DHX35: variants seen among roughly 807,000 people sequenced by gnomAD.
DHX35 encodes DEAH-box helicase 35.
Under a neutral mutation model 99.6 loss-of-function variants are expected in DHX35, and 84 were observed. The ratio of observed to expected loss-of-function variants is 0.84; its 90% CI spans 0.71 to 1.01. The LOEUF (loss-of-function observed/expected upper bound fraction) is 1.01. Among genes scored for constraint, DHX35 ranks in the 50% least tolerant of loss-of-function variants. DHX35 has a pLI of 0.00. For missense variants in DHX35, 852 were observed against 888.5 expected (o/e 0.96, Z 0.52); for synonymous variants, 331 against 316.2 (o/e 1.05, Z -0.50).
At chr20:38,979,699 G>A (rs2086140811) in intron 3 of DHX35, among the ~76,000 whole-genome samples, 1 of 152,186 alleles carries the variant, frequency 6.6e-6, no homozygotes, top group Non-Finnish European at 1.5e-5. Context: ...GTTACAGCAA[G>A]GATACGGAGC....
intron 14 of DHX35, 43 bp downstream of exon 14, chr20:39,014,977 C>T (rs746201291): frequency 1.2e-6 from 2 of 1,610,148 alleles, no homozygotes; most frequent in South Asian, 2.2e-5. Flanking sequence ...TATGTGTTGT[C>T]TTTTGTGATA....
chr20:39,014,523 C>T (rs2086751734), intron 13 of DHX35, among the ~76,000 whole-genome samples: 1 of 152,120 alleles, frequency 6.6e-6, no homozygotes, highest in African/African-American at 2.4e-5. Flanking sequence ...CCTGGGGCCC[C>T]GGTGTGGTAG....
At chr20:39,005,940 A>G (rs1215253909) in intron 11 of DHX35, among the ~76,000 whole-genome samples, 2 of 152,134 alleles carry the variant, frequency 1.3e-5, no homozygotes, top group Non-Finnish European at 2.9e-5. Context: ...CAGGAGGTTG[A>G]GTAACTTGTC....
At chr20:39,028,527 G>A (rs973237297) in intron 19 of DHX35, 28 bp downstream of exon 19, 1 of 1,609,300 alleles carries the variant, frequency 6.2e-7, no homozygotes, top group Non-Finnish European at 8.5e-7. Context: ...GAAGTCATTT[G>A]TTAAAGGAAC....
At chr20:38,999,713 A>G (rs1237733862) in intron 8 of DHX35, among the ~76,000 whole-genome samples, 1 of 152,184 alleles carries the variant, frequency 6.6e-6, no homozygotes, top group Non-Finnish European at 1.5e-5. Context: ...TCTCCCCTGC[A>G]CTATTATGAT....
intron 3 of DHX35, among the ~76,000 whole-genome samples, chr20:38,979,902 G>A (rs539440223): frequency 6.7e-6 from 1 of 148,926 alleles, no homozygotes; most frequent in East Asian, 2.0e-4. Context: ...CTCTTCTTAA[G>A]TACAATTTTT....
At chr20:38,964,634 G>C (rs2085884386) in intron 1 of DHX35, among the ~76,000 whole-genome samples, 1 of 152,040 alleles carries the variant, frequency 6.6e-6, no homozygotes, top group African/African-American at 2.4e-5. Flanking sequence ...TTTCAGCATG[G>C]TGGCCAGGAT....
intron 3 of DHX35, among the ~76,000 whole-genome samples, chr20:38,978,703 C>T (rs1262942283): frequency 1.3e-5 from 2 of 152,108 alleles, no homozygotes; most frequent in East Asian, 3.8e-4. Context: ...GATGCAATCC[C>T]GTTTGTCTAT....
intron 14 of DHX35, among the ~76,000 whole-genome samples, chr20:39,017,078 T>TA (rs2086797737): frequency 6.6e-6 from 1 of 152,216 alleles, no homozygotes; most frequent in Non-Finnish European, 1.5e-5. Context: ...TTTCTTTTGT[T>TA]ACGTGTGCCC....
rs544765302 is a variant in DHX35 at position 39,022,580 on chromosome 20, C to T, written c.1593+645C>T. Among the ~76,000 whole-genome samples, 8 of 152,344 alleles carry T rather than the reference C, an allele frequency of 5.3e-5. No individual in the cohort carries two copies. The East Asian group carries it at 1.5e-3, about 29-fold the overall frequency. On this transcript the variant is annotated intron_variant, in intron 16 of 21. Coordinates refer to ENST00000252011, the MANE Select transcript of DHX35 (RefSeq NM_021931.4). ...CACACCTTAACCATTGAACTACCAACTTCTAGTTTCTGTCAGGGAAATTGT... is the reference window on the plus strand; with the variant it reads ...CACACCTTAACCATTGAACTACCAATTTCTAGTTTCTGTCAGGGAAATTGT...
At chr20:39,022,152 C>G (rs2086882910) in intron 16 of DHX35, among the ~76,000 whole-genome samples, 1 of 151,970 alleles carries the variant, frequency 6.6e-6, no homozygotes, top group South Asian at 2.1e-4. Context: ...ATATTATTAT[C>G]ATATTTTATT....
intron 4 of DHX35, among the ~76,000 whole-genome samples, chr20:38,985,575 G>GTA (rs749925812): frequency 6.6e-6 from 1 of 151,582 alleles, no homozygotes; most frequent in Non-Finnish European, 1.5e-5. Flanking sequence ...TAGAAGTTAT[G>GTA]TGTGTGTGTG....
chr20:38,992,186 G>A (rs554623346), intron 6 of DHX35, among the ~76,000 whole-genome samples, 170 bp from the exon 7 acceptor site: 1 of 152,300 alleles, frequency 6.6e-6, no homozygotes, highest in Admixed American at 6.5e-5. Context: ...TAATGTCACC[G>A]TTTTTATTAA....
intron 1 of DHX35, among the ~76,000 whole-genome samples, chr20:38,964,152 AGGT>A (rs765813658): frequency 5.3e-5 from 8 of 152,198 alleles, no homozygotes; most frequent in Non-Finnish European, 1.0e-4. Flanking sequence ...TACTTCATTA[AGGT>A]GGTATTTTTG....
At chr20:38,995,933 G>A (rs181305608) in intron 8 of DHX35, among the ~76,000 whole-genome samples, 5 of 152,258 alleles carry the variant, frequency 3.3e-5, no homozygotes, top group Admixed American at 2.0e-4. Context: ...AGGCCCTCAT[G>A]GGTGAATTAC....
At chr20:38,974,906 G>A (rs539904721) in intron 3 of DHX35, among the ~76,000 whole-genome samples, 2 of 152,308 alleles carry the variant, frequency 1.3e-5, no homozygotes, top group African/African-American at 4.8e-5. Context: ...CAGGGAGCAG[G>A]AGAACTGGTT....
At chr20:38,962,526 C>T (rs769579320) in intron 1 of DHX35, 119 bp downstream of exon 1, 1 of 1,281,026 alleles carries the variant, frequency 7.8e-7, no homozygotes, top group Non-Finnish European at 1.1e-6. Context: ...GAGCTGGGCG[C>T]TGCCGCCTCT....
At position 39,001,764 on chromosome 20, in the gene DHX35, G is replaced by A; in HGVS notation, c.677G>A (p.Ser226Asn). Residue 226 changes from serine (S) to asparagine (N), a missense_variant, in exon 9 of 22, where the codon AGT becomes AAT. Coordinates refer to ENST00000252011, the MANE Select transcript of DHX35 (RefSeq NM_021931.4). The stretch of plus-strand genomic sequence containing the variant: ...GATTTCTTTAATCAAAATGAAACCA[G>A]TGATCCAGCAAGGGATACATGTGTG... ...FRDFFNQNET[S>N]DPARDTCVIL... 6.2e-7 allele frequency: 1 copy of A among 1,611,656 alleles called. No individual in the cohort carries two copies. The highest frequency in any genetic ancestry group is 8.5e-7 in the Non-Finnish European group (1 of 1,179,418).
intron 21 of DHX35, among the ~76,000 whole-genome samples, chr20:39,037,335 G>A (rs2087170525): frequency 6.6e-6 from 1 of 152,202 alleles, no homozygotes; most frequent in African/African-American, 2.4e-5. Flanking sequence ...TATTCTCAGA[G>A]ATATCTTCAT....
Sources: allele counts gnomAD v4.1 joint callset (sites outside exome capture counted in the v4.1 genomes callset), GRCh38; gene constraint gnomAD v4.1.1; transcripts MANE v1.5; gene names NCBI Gene and HGNC (gene_info 2026-07-23, HGNC 2026-07-21).